Variants in TTLL3 observed in about 807,000 individuals in gnomAD.
The protein encoded by TTLL3 is tubulin monoglycylase TTLL3.
In TTLL3, 63 loss-of-function variants were observed where a neutral mutation model predicts 75.2. The observed-to-expected ratio is 0.84, with a 90% CI of 0.68 to 1.03. TTLL3 has a LOEUF of 1.03. TTLL3 is among the 50% of genes least tolerant of loss of function. The pLI, the probability that TTLL3 is intolerant of heterozygous loss-of-function variation, is 0.00. For synonymous variants in TTLL3, 393 were observed against 418.5 expected (o/e 0.94, Z 0.74); for missense variants, 997 against 1,069.9 (o/e 0.93, Z 0.95).
chr3:9,821,529 T>C (rs1341057416), intron 8 of TTLL3, among the ~76,000 whole-genome samples: 1 of 151,992 alleles, frequency 6.6e-6, no homozygotes, highest in East Asian at 1.9e-4. Context: ...TGGGAAGAAA[T>C]GGATAGATTT....
In TTLL3 at chr3:9,810,566, G is replaced by T; in HGVS notation, c.-41-55G>T. 6.6e-7 allele frequency: 1 copy of T among 1,526,092 alleles called. No individual in the cohort carries two copies. The allele number at this position is 1,526,092 out of a possible 1,614,324, so 94.5% of individuals were successfully genotyped here. A position where few individuals can be genotyped will look rare whatever the true frequency, so the allele number is the denominator to read the frequency against. On this transcript the variant is annotated intron_variant, in intron 1 of 13. Coordinates refer to ENST00000685419, the MANE Select transcript of TTLL3 (RefSeq NM_001387446.1). This position sits in a 1 kb window ranked among gnomAD's most constrained non-coding sequence, Gnocchi z 4.4. ...GGGCGGCCAGAAAAGATCCTAGGCC[G>T]AGACCCTAGGCCCAGCCTCAGTGTA...
chr3:9,815,893 G>GCCCACC (rs1176864049), intron 4 of TTLL3, among the ~76,000 whole-genome samples, 181 bp from the exon 5 acceptor site: 1 of 152,236 alleles, frequency 6.6e-6, no homozygotes, highest in African/African-American at 2.4e-5. Context: ...CTGCCCACCT[G>GCCCACC]TGCCCTGGAG....
rs1417043073 is a variant in TTLL3, at chr3:9,833,206, C to T, written c.1786C>T (p.Pro596Ser). 5 of 1,613,976 alleles carry T rather than the reference C, an allele frequency of 3.1e-6. No homozygotes were observed. The Admixed American group carries it at 5.0e-5, about 16-fold the overall frequency. Residue 596 changes from proline (P) to serine (S), a missense_variant, in exon 12 of 14, where the codon CCA (proline) becomes TCA (serine). Pro to Ser is a moderately conservative substitution (Grantham distance 74, BLOSUM62 -1). Transcript: ENST00000685419. ...GTGTCATCGGCGGATGGGGGTCCGC[C>T]CAGCAGTCCCTCTGCTGACCCAGCG... The part of the protein sequence containing the change: ...AMCHRRMGVR[P>S]AVPLLTQRGS...
intron 8 of TTLL3, among the ~76,000 whole-genome samples, chr3:9,824,849 T>C (rs1287760179): frequency 6.6e-6 from 1 of 151,290 alleles, no homozygotes; most frequent in Non-Finnish European, 1.5e-5. Flanking sequence ...CAAGTGATTG[T>C]CCTGCCTCAG....
At chr3:9,821,431 C>G (rs918257325) in intron 8 of TTLL3, among the ~76,000 whole-genome samples, 1 of 152,134 alleles carries the variant, frequency 6.6e-6, no homozygotes, top group African/African-American at 2.4e-5. Flanking sequence ...AAGCGTAGCC[C>G]CTGTTCTCAA....
intron 11 of TTLL3, among the ~76,000 whole-genome samples, chr3:9,832,080 ATTTTTTTT>A (rs34646268): frequency 3.5e-5 from 3 of 84,806 alleles, no homozygotes; most frequent in African/African-American, 4.9e-5. Context: ...CAATAGCTGC[ATTTTTTTT>A]TTTTTTTTTT....
upstream of TTLL3, chr3:9,809,919 CT>C: frequency 5.0e-6 from 1 of 200,254 alleles, no homozygotes; most frequent in Non-Finnish European, 7.0e-6. Context: ...AGGCTCGAGC[CT>C]AGGCAGGAAC....
In TTLL3 at chr3:9,820,732, A is replaced by G; in HGVS notation, c.845A>G (p.Gln282Arg). 2 of 1,613,912 alleles carry G rather than the reference A, an allele frequency of 1.2e-6. No homozygotes were observed. Among genetic ancestry groups the G allele is most frequent in the Non-Finnish European group, 1.7e-6 (2 of 1,179,970 alleles). Residue 282 changes from glutamine (Q) to arginine (R), a missense_variant, in exon 8 of 14, where the codon CAA becomes CGA. Coordinates refer to ENST00000685419, the MANE Select transcript of TTLL3 (RefSeq NM_001387446.1). ...GWSLFLQRYY[Q>R]VVHEGAELRH... ...TCCCTCTTCCTCCAGCGCTACTACC[A>G]AGTGGTCCAGTGAGTCCCCTGCAGC... is the stretch of plus-strand genomic sequence containing the variant.
At chr3:9,815,361 T>A (rs1003584362) in intron 4 of TTLL3, among the ~76,000 whole-genome samples, 4 of 152,190 alleles carry the variant, frequency 2.6e-5, no homozygotes, top group Admixed American at 1.3e-4. Flanking sequence ...AGTTTCCTCA[T>A]CTGTAAAACA....
Position 9,813,244 on chromosome 3 carries a change from A to G in TTLL3, c.218-4A>G, listed in dbSNP as rs1266785635. On this transcript the variant is annotated splice_region_variant and splice_polypyrimidine_tract_variant and intron_variant, in intron 3 of 13. Transcript: ENST00000685419. ...CTCATCAGCTCTGGGCTCTGCATCC[A>G]CAGAGGATGAAGATGAGGACGAGGA... 12 of 1,614,048 alleles carry G rather than the reference A, an allele frequency of 7.4e-6. No homozygotes were observed. The highest frequency in any genetic ancestry group is 5.0e-5 in the Admixed American group (3 of 59,998).
At chr3:9,833,042 G>C (rs147164026) in intron 11 of TTLL3, 62 bp from the exon 12 acceptor site, 2 of 1,593,970 alleles carry the variant, frequency 1.3e-6, no homozygotes, top group African/African-American at 1.3e-5. Flanking sequence ...TCTGGGTCCC[G>C]CTGGGCCAAG....
intron 8 of TTLL3, among the ~76,000 whole-genome samples, chr3:9,822,379 T>C (rs905188892): frequency 6.6e-6 from 1 of 151,884 alleles, no homozygotes; most frequent in Non-Finnish European, 1.5e-5. Context: ...GAGTCCTTTT[T>C]ATTTCTGGTG....
chr3:9,818,740 G>A, intron 6 of TTLL3, 82 bp from the exon 7 acceptor site: 1 of 1,604,816 alleles, frequency 6.2e-7, no homozygotes, highest in Non-Finnish European at 8.5e-7. Context: ...ATCCAAAATG[G>A]GGCAAGTCAT....
At chr3:9,834,525 T>C in intron 12 of TTLL3, 156 bp from the exon 13 acceptor site, 1 of 1,232,434 alleles carries the variant, frequency 8.1e-7, no homozygotes, top group African/African-American at 1.5e-5. Context: ...TCTACCCTGT[T>C]TTCTTCTCAC....
chr3:9,817,612 C>G (rs2080008632), intron 5 of TTLL3, 33 bp from the exon 6 acceptor site: 3 of 1,613,456 alleles, frequency 1.9e-6, no homozygotes, highest in African/African-American at 2.7e-5. Context: ...TGTGGGCAGT[C>G]CTGCCCTGCC....
intron 10 of TTLL3, 199 bp downstream of exon 10, chr3:9,827,439 G>A: frequency 1.0e-6 from 1 of 960,710 alleles, no homozygotes; most frequent in Admixed American, 3.0e-5. Context: ...GTCTCACTCT[G>A]TTACCTAGGC....
At chr3:9,814,945 T>C (rs1295137735) in intron 4 of TTLL3, among the ~76,000 whole-genome samples, 1 of 151,700 alleles carries the variant, frequency 6.6e-6, no homozygotes, top group Non-Finnish European at 1.5e-5. Context: ...ATATATAAAA[T>C]TGCCATTTCT....
intron 8 of TTLL3, chr3:9,821,036 A>T: frequency 2.5e-6 from 1 of 402,528 alleles, no homozygotes; most frequent in Non-Finnish European, 4.4e-6. Context: ...AGATTTTATG[A>T]AAAAAGGGCT....
intron 4 of TTLL3, among the ~76,000 whole-genome samples, chr3:9,814,744 G>T (rs55652361): frequency 0.026 from 3,945 of 151,136 alleles, 88 homozygotes; most frequent in Non-Finnish European, 0.035. Flanking sequence ...TTGCTTGAAC[G>T]TGGGAGGTGG....
Sources: allele counts gnomAD v4.1 joint callset (sites outside exome capture counted in the v4.1 genomes callset), GRCh38; gene constraint gnomAD v4.1.1; non-coding constraint Gnocchi (gnomAD v3.1); transcripts MANE v1.5; gene names NCBI Gene and HGNC (gene_info 2026-07-23, HGNC 2026-07-21).